The following PGLYRP3 variants were observed in gnomAD, a reference collection of about 807,000 sequenced individuals.
PGLYRP3 encodes the protein peptidoglycan recognition protein I alpha.
A neutral mutation model predicts 36.0 loss-of-function variants in PGLYRP3; 39 were observed. That is an observed-to-expected ratio of 1.08 (90% CI 0.84 to 1.41). The LOEUF is 1.41. Ranked by LOEUF, PGLYRP3 falls within the 40% of genes most tolerant of loss-of-function variation. The pLI, the probability that PGLYRP3 is intolerant of heterozygous loss-of-function variation, is 0.00. For synonymous variants in PGLYRP3, 204 were observed against 172.8 expected, an observed-to-expected ratio of 1.18 and a Z score of -1.42; for missense variants, 407 against 427.9, an observed-to-expected ratio of 0.95 and a Z score of 0.43.
chr1:153,305,109 T>C, intron 3 of PGLYRP3, 44 bp from the exon 4 acceptor site: 2 of 1,519,454 alleles, frequency 1.3e-6, no homozygotes, highest in Non-Finnish European at 1.8e-6. Context: ...TCTCCATAAA[T>C]GAAAACCTCT....
At position 153,302,474 on chromosome 1, in the gene PGLYRP3, C is replaced by G. The variant is rs897908935; in HGVS notation, c.663G>C (p.Gln221His). 4.3e-6 allele frequency: 7 copies of G among 1,614,130 alleles called. No homozygotes were observed. The African/African-American group carries it at 8.0e-5, about 18-fold the overall frequency. The change falls in exon 6 of 8, where the codon CAG (glutamine) becomes CAC (histidine). Residue 221 changes from glutamine to histidine, a missense_variant. By Grantham distance (24) the Gln-to-His change is conservative. Transcript: ENST00000683862. Reference sequence around the variant, plus strand: ...AGGACTGTATGTTTCGGACGACAGTCTGGCAGTCTGTGGATACAGTGCAGC... The same window carrying G: ...AGGACTGTATGTTTCGGACGACAGTGTGGCAGTCTGTGGATACAGTGCAGC... ...GTSCTVSTDC[Q>H]TVVRNIQSFH...
chr1:153,306,451 G>T (rs1304316213), intron 3 of PGLYRP3, among the ~76,000 whole-genome samples: 1 of 152,092 alleles, frequency 6.6e-6, no homozygotes, highest in African/African-American at 2.4e-5. Flanking sequence ...TTTCTTGCGG[G>T]TCTCTCCTCC....
rs73014413 is a variant in PGLYRP3 at position 153,303,933 on chromosome 1, C to G, written c.453G>C (p.Ser151=). The stretch of plus-strand genomic sequence containing the variant: ...GAAGAAGTGGCTGAATATACCTGGG[C>G]GACAGGTGACCCTTCTGGATGGCAT... ...ISYAIQKGHL[S]PRYIQPLLLK... is the part of the protein sequence containing the mutation. Residue 151 remains serine (S), a synonymous_variant, in exon 5 of 8, where the codon TCG becomes TCC. Coordinates refer to ENST00000683862, the MANE Select transcript of PGLYRP3 (RefSeq NM_052891.3). 6 of 1,613,794 alleles carry G rather than the reference C, an allele frequency of 3.7e-6. No homozygotes were observed. The African/African-American group carries it at 6.7e-5, about 18-fold the overall frequency.
At chr1:153,309,223 C>G (rs1346897008) in intron 2 of PGLYRP3, among the ~76,000 whole-genome samples, 2 of 152,152 alleles carry the variant, frequency 1.3e-5, no homozygotes, top group African/African-American at 4.8e-5. Context: ...TCCCACAGAC[C>G]AGCCCTGTGG....
intron 1 of PGLYRP3, among the ~76,000 whole-genome samples, chr1:153,312,079 G>T (rs572227473): frequency 6.6e-6 from 1 of 152,286 alleles, no homozygotes; most frequent in South Asian, 2.1e-4. Flanking sequence ...TTTGCACCCT[G>T]GTCACTTAAT....
chr1:153,299,107 C>G lies in PGLYRP3; in HGVS notation c.847+6G>C, dbSNP rs772254642. On this transcript the variant is annotated splice_donor_region_variant and intron_variant, in intron 7 of 7. Transcript: ENST00000683862. The stretch of plus-strand genomic sequence containing the variant: ...AGCACCCCTCTACCCCATGCTCACC[C>G]CTTACCTACAAAGTAGCCGATGAAG... 4 of 1,612,498 alleles carry G rather than the reference C, an allele frequency of 2.5e-6. No individual in the cohort carries two copies. Among genetic ancestry groups the G allele is most frequent in the Non-Finnish European group, 3.4e-6 (4 of 1,178,568 alleles).
intron 6 of PGLYRP3, among the ~76,000 whole-genome samples, chr1:153,300,198 C>A (rs1024933444): frequency 6.6e-6 from 1 of 152,002 alleles, no homozygotes; most frequent in Non-Finnish European, 1.5e-5. Flanking sequence ...CTGTCTGAAC[C>A]CCGGGCCCTG....
intron 2 of PGLYRP3, among the ~76,000 whole-genome samples, chr1:153,308,659 G>A (rs1659818028): frequency 6.6e-6 from 1 of 152,174 alleles, no homozygotes; most frequent in Admixed American, 6.5e-5. Flanking sequence ...TCCTTGGAGT[G>A]CACATGGCCA....
intron 3 of PGLYRP3, 100 bp from the exon 4 acceptor site, chr1:153,305,165 G>A (rs978054246): frequency 4.5e-6 from 4 of 888,750 alleles, no homozygotes; most frequent in Admixed American, 2.3e-5. Context: ...TCATAAGTAA[G>A]TACTATGTTC....
chr1:153,300,783 G>C (rs821430), intron 6 of PGLYRP3, among the ~76,000 whole-genome samples: 72,097 of 151,844 alleles, frequency 0.47, 18,085 homozygotes, highest in East Asian at 0.72. Flanking sequence ...ACAAACTTTT[G>C]CCTTTTGCCT....
chr1:153,305,076 G>A lies in PGLYRP3; in HGVS notation c.258-11C>T. The A allele has an allele frequency of 6.3e-7, 1 of 1,597,932 alleles. No homozygotes were observed. Among genetic ancestry groups the A allele is most frequent in the East Asian group, 2.2e-5 (1 of 44,480 alleles). ...TCCCCAACCAGGAAGCTGACAAGAA[G>A]GAAATAATGATTTTACTGCAAATCT... On this transcript the variant is annotated splice_polypyrimidine_tract_variant and intron_variant, in intron 3 of 7. Transcript: ENST00000683862.
Position 153,305,782 on chromosome 1 carries a change from C to T in PGLYRP3, c.258-717G>A, listed in dbSNP as rs200618956. Among the ~76,000 whole-genome samples the T allele has an allele frequency of 6.6e-5, 10 of 152,316 alleles. No homozygotes were observed. The East Asian group carries it at 1.3e-3, about 21-fold the overall frequency. On this transcript the variant is annotated intron_variant, in intron 3 of 7. Transcript: ENST00000683862. Reference sequence around the variant, plus strand: ...GTCAGGCCGACTTTCCACCCTACACCGATGTCGACATGAGGAATGGGTGTG... The same window carrying T: ...GTCAGGCCGACTTTCCACCCTACACTGATGTCGACATGAGGAATGGGTGTG...
intron 3 of PGLYRP3, 34 bp from the exon 4 acceptor site, chr1:153,305,099 T>C (rs1383929786): frequency 1.9e-6 from 3 of 1,564,820 alleles, no homozygotes; most frequent in Non-Finnish European, 2.6e-6. Context: ...TTACTGCAAA[T>C]CTCCATAAAT....
At chr1:153,298,419 G>T (rs958702727) in intron 7 of PGLYRP3, among the ~76,000 whole-genome samples, 4 of 152,104 alleles carry the variant, frequency 2.6e-5, no homozygotes, top group African/African-American at 9.7e-5. Context: ...ACTTTGGGAG[G>T]CCAAGCAGGC....
intron 2 of PGLYRP3, among the ~76,000 whole-genome samples, chr1:153,308,436 G>A (rs1479330923): frequency 3.3e-5 from 5 of 152,148 alleles, no homozygotes; most frequent in Non-Finnish European, 7.3e-5. Context: ...TTGACTTTCA[G>A]CCCAGACATT....
chr1:153,308,528 A>G (rs1157078016), intron 2 of PGLYRP3, among the ~76,000 whole-genome samples: 1 of 152,180 alleles, frequency 6.6e-6, no homozygotes, highest in Non-Finnish European at 1.5e-5. Flanking sequence ...ACCCTTGTGA[A>G]TGAACTGTGA....
chr1:153,297,909 G>T lies in PGLYRP3; in HGVS notation c.*47C>A. 1 of 1,596,546 alleles carries T rather than the reference G, an allele frequency of 6.3e-7. No homozygotes were observed. Among genetic ancestry groups the T allele is most frequent in the Middle Eastern group, 1.8e-4 (1 of 5,520 alleles). The stretch of plus-strand genomic sequence containing the variant: ...CACCTTGGCTGGTGAGGGTTGGAGA[G>T]ACCCAGCAGGGGAGGGAGGGCAGTC... On this transcript the variant is annotated 3_prime_UTR_variant, in exon 8 of 8. Transcript: ENST00000683862.
chr1:153,309,715 G>C (rs191218629), intron 2 of PGLYRP3, among the ~76,000 whole-genome samples: 2 of 152,286 alleles, frequency 1.3e-5, no homozygotes, highest in African/African-American at 4.8e-5. Context: ...GGAGGAGCCC[G>C]GAGAGGACAC....
rs1361398084 is a variant in PGLYRP3, at chr1:153,303,925, T to A, written c.461A>T (p.Tyr154Phe). The part of the protein sequence containing the change: ...AIQKGHLSPR[Y>F]IQPLLLKEET... Reference sequence around the variant, plus strand: ...TTCTTTCAGAAGAAGTGGCTGAATATACCTGGGCGACAGGTGACCCTTCTG... The same window carrying A: ...TTCTTTCAGAAGAAGTGGCTGAATAAACCTGGGCGACAGGTGACCCTTCTG... The change falls in exon 5 of 8, where the codon TAT becomes TTT. Residue 154 changes from tyrosine (Y) to phenylalanine (F), a missense_variant. Tyr to Phe is a conservative substitution (Grantham distance 22). Transcript: ENST00000683862. 2 of 1,613,962 alleles carry A rather than the reference T, an allele frequency of 1.2e-6. No homozygotes were observed. Among genetic ancestry groups the A allele is most frequent in the African/African-American group, 2.7e-5 (2 of 74,908 alleles).
Sources: gnomAD v4.1 joint callset for allele counts (sites outside exome capture counted in the v4.1 genomes callset) on GRCh38, gnomAD v4.1.1 for gene constraint, MANE v1.5 for transcripts, NCBI Gene and HGNC (gene_info 2026-07-23, HGNC 2026-07-21) for gene names.